The following ZNF644 variants were observed in gnomAD, a reference collection of about 807,000 sequenced individuals.
The protein encoded by ZNF644 is zinc finger motif enhancer binding protein 2.
In ZNF644, 20 loss-of-function variants were observed where a neutral mutation model predicts 108.0. The observed-to-expected ratio is 0.19, with a 90% confidence interval of 0.13 to 0.27. The LOEUF (loss-of-function observed/expected upper bound fraction) is 0.27, where lower values mean the gene tolerates loss of function less well. Among genes scored for constraint, ZNF644 ranks in the 10% least tolerant of loss-of-function variants. The pLI, the probability that ZNF644 is intolerant of heterozygous loss-of-function variation, is 1.00. For synonymous variants in ZNF644, 542 were observed against 539.1 expected (o/e 1.01, Z -0.08); for missense variants, 1,338 against 1,548.9 (o/e 0.86, Z 2.29).
intron 2 of ZNF644, among the ~76,000 whole-genome samples, chr1:90,950,008 T>C (rs1652920152): frequency 6.6e-6 from 1 of 151,884 alleles, no homozygotes; most frequent in African/African-American, 2.4e-5. Context: ...CCGGGGGCAG[T>C]GGCTCACGCC....
intron 1 of ZNF644, among the ~76,000 whole-genome samples, chr1:90,998,569 C>A (rs1658418996): frequency 6.6e-6 from 1 of 152,098 alleles, no homozygotes; most frequent in African/African-American, 2.4e-5. Context: ...CATCAAGGAC[C>A]AAAGGTAGAT....
At chr1:90,974,833 T>C (rs951190954) in intron 2 of ZNF644, among the ~76,000 whole-genome samples, 5 of 152,334 alleles carry the variant, frequency 3.3e-5, no homozygotes, top group Admixed American at 2.6e-4. Context: ...ACTCCTTCAA[T>C]GGTTTATAAA....
chr1:90,982,395 A>C, intron 1 of ZNF644, 25 bp from the exon 2 acceptor site: 1 of 1,584,132 alleles, frequency 6.3e-7, no homozygotes, highest in Non-Finnish European at 8.6e-7. Context: ...CACAATGACC[A>C]AGGTTTAATT....
intron 4 of ZNF644, 148 bp downstream of exon 4, chr1:90,937,337 T>C (rs910050770): frequency 1.2e-5 from 13 of 1,057,250 alleles, no homozygotes; most frequent in Non-Finnish European, 1.5e-5. Context: ...GAAATGACAG[T>C]AGAATAACCA....
intron 1 of ZNF644, among the ~76,000 whole-genome samples, chr1:90,996,548 GC>G (rs1445916678): frequency 6.6e-6 from 1 of 152,222 alleles, no homozygotes; most frequent in Non-Finnish European, 1.5e-5. Flanking sequence ...TACTTGAGAG[GC>G]TGAGGTGGGA....
At chr1:91,009,717 C>T (rs12127336) in intron 1 of ZNF644, among the ~76,000 whole-genome samples, 2,708 of 152,112 alleles carry the variant, frequency 0.018, 47 homozygotes, top group Middle Eastern at 0.055. Flanking sequence ...CTTAGGAAAA[C>T]ACCATTATAG....
intron 2 of ZNF644, among the ~76,000 whole-genome samples, chr1:90,978,167 C>T (rs1329607057): frequency 6.6e-6 from 1 of 152,102 alleles, no homozygotes; most frequent in Non-Finnish European, 1.5e-5. Flanking sequence ...GCGTGGCCAA[C>T]ACAGTGAAAC....
intron 1 of ZNF644, among the ~76,000 whole-genome samples, chr1:90,996,716 G>A (rs989948595): frequency 6.6e-6 from 1 of 152,186 alleles, no homozygotes; most frequent in Non-Finnish European, 1.5e-5. Flanking sequence ...AAGACTTTGA[G>A]GCTGCAGTGA....
intron 1 of ZNF644, among the ~76,000 whole-genome samples, chr1:91,013,763 C>A (rs1012830752): frequency 1.9e-4 from 29 of 151,914 alleles, no homozygotes; most frequent in Non-Finnish European, 3.4e-4. Context: ...TCTGGCTAGT[C>A]TGAATTGAGA....
intron 1 of ZNF644, among the ~76,000 whole-genome samples, chr1:91,010,712 C>T (rs1472564763): frequency 6.6e-6 from 1 of 152,086 alleles, no homozygotes; most frequent in Non-Finnish European, 1.5e-5. Flanking sequence ...ACTCTTCAAG[C>T]TATATCTTAG....
At chr1:90,990,080 C>CTA (rs1244821034) in intron 1 of ZNF644, among the ~76,000 whole-genome samples, 1 of 152,160 alleles carries the variant, frequency 6.6e-6, no homozygotes, top group African/African-American at 2.4e-5. Context: ...AGGACAAATA[C>CTA]TATATGATTC....
At chr1:91,011,361 C>T (rs953953620) in intron 1 of ZNF644, among the ~76,000 whole-genome samples, 3 of 152,226 alleles carry the variant, frequency 2.0e-5, no homozygotes, top group Non-Finnish European at 4.4e-5. Context: ...TCTTTTCATA[C>T]CCATTTCTGC....
chr1:90,967,779 G>A (rs952970491), intron 2 of ZNF644, among the ~76,000 whole-genome samples: 1 of 151,934 alleles, frequency 6.6e-6, no homozygotes, highest in Non-Finnish European at 1.5e-5. Flanking sequence ...CAGGCACGGT[G>A]GCTCACGCCT....
chr1:90,985,332 C>A lies in ZNF644; in HGVS notation c.-17-2962G>T, dbSNP rs1307417554. ...TTTGTGGTAAAACACTTAAAATCTA[C>A]TCTTTTAGCAATTTTAAAATATACA... On this transcript the variant is annotated intron_variant, in intron 1 of 5. Transcript: ENST00000337393. Among the ~76,000 whole-genome samples, 25 of 152,124 alleles carry A rather than the reference C, an allele frequency of 1.6e-4. 1 individual carries two copies. Among genetic ancestry groups the A allele is most frequent in the Admixed American group, 1.6e-3 (25 of 15,264 alleles).
intron 1 of ZNF644, among the ~76,000 whole-genome samples, chr1:91,005,210 A>G (rs1490486562): frequency 6.6e-6 from 1 of 152,174 alleles, no homozygotes; most frequent in Non-Finnish European, 1.5e-5. Context: ...AACAACAGAC[A>G]TTAAGACAAA....
chr1:90,987,686 G>C (rs1657241056), intron 1 of ZNF644, among the ~76,000 whole-genome samples: 1 of 152,040 alleles, frequency 6.6e-6, no homozygotes, highest in South Asian at 2.1e-4. Flanking sequence ...TATAAGGTCA[G>C]CATTACCCTG....
rs760029517 is a variant in ZNF644, at chr1:90,982,311, T to C, written c.43A>G (p.Arg15Gly). The C allele has an allele frequency of 1.2e-6, 2 of 1,609,358 alleles. No homozygotes were observed. Among genetic ancestry groups the C allele is most frequent in the Non-Finnish European group, 8.5e-7 (1 of 1,178,116 alleles). Residue 15 changes from arginine (R) to glycine (G), a missense_variant and splice_region_variant, in exon 2 of 6, where the codon AGA (arginine) becomes GGA (glycine). Coordinates refer to ENST00000337393, the MANE Select transcript of ZNF644 (RefSeq NM_201269.3). ...LQQDVNKTKS[R>G]LNVLNGLANN... ...TTAACAAAGCAGTCTTCTACTTACC[T>C]AGATTTTGTCTTATTAACATCTTGC...
chr1:90,983,428 CA>C (rs1299100683), intron 1 of ZNF644, among the ~76,000 whole-genome samples: 1 of 129,592 alleles, frequency 7.7e-6, no homozygotes, highest in Non-Finnish European at 1.6e-5. Context: ...TATTGCCCCA[CA>C]AAAGACTTCC....
intron 1 of ZNF644, among the ~76,000 whole-genome samples, chr1:91,013,874 T>C (rs1341949861): frequency 1.3e-5 from 2 of 152,244 alleles, no homozygotes; most frequent in African/African-American, 4.8e-5. Flanking sequence ...GATGAAATAA[T>C]AGTATTTAGA....
Sources: allele counts gnomAD v4.1 joint callset (sites outside exome capture counted in the v4.1 genomes callset), GRCh38; gene constraint gnomAD v4.1.1; transcripts MANE v1.5; gene names NCBI Gene and HGNC (gene_info 2026-07-23, HGNC 2026-07-21).